MALL: variants seen among roughly 807,000 people sequenced by gnomAD.
MALL encodes the protein MAL-like protein.
In MALL, 2 loss-of-function variants were observed where a neutral mutation model predicts 10.3. That is an observed-to-expected ratio of 0.19 (90% CI 0.08 to 0.61). The LOEUF is 0.61. Among genes scored for constraint, MALL ranks in the 20% least tolerant of loss-of-function variants. The probability of loss-of-function intolerance (pLI) is 0.88; values close to 1 mark genes in which losing one functional copy is unlikely to be tolerated. For synonymous variants in MALL, 27 were observed against 51.8 expected (o/e 0.52, Z 2.05); for missense variants, 39 against 115.2 (o/e 0.34, Z 3.03).
intron 1 of MALL, among the ~76,000 whole-genome samples, chr2:110,107,909 C>A (rs188563486): frequency 1.3e-5 from 2 of 152,126 alleles, no homozygotes; most frequent in South Asian, 2.1e-4. Context: ...CAGGTAAATT[C>A]GCTGGGTGGC....
chr2:110,097,437 C>T (rs1273896981), intron 1 of MALL: 6 of 455,868 alleles, frequency 1.3e-5, no homozygotes, highest in South Asian at 3.1e-5. Flanking sequence ...TGGAGTCTCA[C>T]GGAGAATTCT....
chr2:110,102,829 C>T (rs1678602916), intron 1 of MALL, among the ~76,000 whole-genome samples: 1 of 152,132 alleles, frequency 6.6e-6, no homozygotes, highest in Admixed American at 6.6e-5. Flanking sequence ...CCATCGGCAC[C>T]CCTTGTCATC....
chr2:110,106,877 T>G (rs1284199444), intron 1 of MALL, among the ~76,000 whole-genome samples: 1 of 152,130 alleles, frequency 6.6e-6, no homozygotes, highest in Non-Finnish European at 1.5e-5. Flanking sequence ...GAACGCTACT[T>G]AGCAGTAAGA....
chr2:110,104,959 A>G (rs1248122774), intron 1 of MALL, among the ~76,000 whole-genome samples: 4 of 152,234 alleles, frequency 2.6e-5, no homozygotes, highest in Non-Finnish European at 4.4e-5. Context: ...AAGAGGTCCA[A>G]TGACCGCCAA....
At chr2:110,111,089 A>G (rs1348642735) in intron 1 of MALL, among the ~76,000 whole-genome samples, 2 of 152,202 alleles carry the variant, frequency 1.3e-5, no homozygotes, top group Non-Finnish European at 2.9e-5. Context: ...AAAGCCATCT[A>G]TGACAAACCC....
At chr2:110,117,614 TGTGTGTGTGTGAGAGAGAGAGA>T (rs1201757439), upstream of MALL, among the ~76,000 whole-genome samples, 7 of 134,058 alleles carry the variant, frequency 5.2e-5, no homozygotes, top group Admixed American at 7.6e-5. Context: ...TGTGTGTGTG[TGTGTGTGTGTGAGAGAGAGAGA>T]GAGAGAGAGA....
intron 1 of MALL, among the ~76,000 whole-genome samples, chr2:110,101,510 C>T (rs1347302634): frequency 6.6e-6 from 1 of 152,170 alleles, no homozygotes; most frequent in Non-Finnish European, 1.5e-5. Context: ...CTGGTGGGAA[C>T]TCGCGTCCGC....
At chr2:110,101,310 ACT>A (rs1247625323) in intron 1 of MALL, among the ~76,000 whole-genome samples, 2 of 152,002 alleles carry the variant, frequency 1.3e-5, no homozygotes, top group African/African-American at 4.8e-5. Context: ...AAAGTTCCAC[ACT>A]CTGCAGTTCA....
intron 1 of MALL, among the ~76,000 whole-genome samples, chr2:110,104,111 C>A (rs1678635976): frequency 6.6e-6 from 1 of 152,156 alleles, no homozygotes; most frequent in Admixed American, 6.5e-5. Context: ...ACCACTGTCT[C>A]CCAGCACCCC....
At chr2:110,117,846 A>G (rs1188936051), upstream of MALL, among the ~76,000 whole-genome samples, 1 of 151,906 alleles carries the variant, frequency 6.6e-6, no homozygotes, top group African/African-American at 2.4e-5. Context: ...CAAAAAACAG[A>G]GATTTTCTAC....
chr2:110,101,597 G>A (rs1260420790), intron 1 of MALL, among the ~76,000 whole-genome samples: 1 of 152,072 alleles, frequency 6.6e-6, no homozygotes, highest in Non-Finnish European at 1.5e-5. Flanking sequence ...AGTGCGCCCG[G>A]CCTCCCTGGG....
At chr2:110,106,237 C>A (rs1414158028) in intron 1 of MALL, among the ~76,000 whole-genome samples, 1 of 152,152 alleles carries the variant, frequency 6.6e-6, no homozygotes, top group African/African-American at 2.4e-5. Context: ...TTCACAGTCA[C>A]CCTGGGTGAG....
rs34987452 is a variant in MALL at position 110,098,992 on chromosome 2, C to CAA, written c.106-7224_106-7223dup. Among the ~76,000 whole-genome samples the CAA allele has an allele frequency of 6.6e-3, 971 of 148,216 alleles. 7 individuals are homozygous for CAA. Among genetic ancestry groups the CAA allele is most frequent in the East Asian group, 0.015 (78 of 5,076 alleles). Reference sequence around the variant, plus strand: ...TGGGTGACAGAGAAAGACCCTGTCTCAAAAAAAAAAATGAAAAACAAGACA... The same window carrying CAA: ...TGGGTGACAGAGAAAGACCCTGTCTCAAAAAAAAAAAAATGAAAAACAAGACA... On this transcript the variant is annotated intron_variant, in intron 1 of 3. Transcript: ENST00000272462.
At chr2:110,100,615 G>A (rs1044552512) in intron 1 of MALL, among the ~76,000 whole-genome samples, 9 of 152,164 alleles carry the variant, frequency 5.9e-5, no homozygotes, top group Non-Finnish European at 8.8e-5. Context: ...ACCAGGTTGC[G>A]ATGGAAATCT....
intron 1 of MALL, among the ~76,000 whole-genome samples, chr2:110,105,106 A>G (rs567148319): frequency 2.6e-4 from 40 of 152,230 alleles, no homozygotes; most frequent in African/African-American, 9.6e-4. Flanking sequence ...TCCATTGTTG[A>G]TGAAACTGCG....
chr2:110,109,785 C>T (rs567427628), intron 1 of MALL, among the ~76,000 whole-genome samples: 2 of 152,268 alleles, frequency 1.3e-5, no homozygotes, highest in Admixed American at 6.5e-5. Flanking sequence ...TACAACAGCA[C>T]ATGGAACTTT....
intron 1 of MALL, among the ~76,000 whole-genome samples, chr2:110,095,504 C>G (rs1678421572): frequency 2.0e-5 from 3 of 151,952 alleles, no homozygotes; most frequent in Admixed American, 2.0e-4. Context: ...GTTTTTAAAA[C>G]CTATTCTTCT....
At chr2:110,113,435 C>CAAAAA (rs58360665) in intron 1 of MALL, among the ~76,000 whole-genome samples, 3 of 31,808 alleles carry the variant, frequency 9.4e-5, no homozygotes, top group South Asian at 1.6e-3. Flanking sequence ...GACTCTGTCT[C>CAAAAA]AAAAAAAAAA....
intron 1 of MALL, among the ~76,000 whole-genome samples, chr2:110,112,031 T>G (rs895865655): frequency 3.9e-5 from 6 of 152,162 alleles, no homozygotes; most frequent in African/African-American, 1.4e-4. Context: ...GCTACCCACA[T>G]GTAGGGGATT....
Sources: allele counts gnomAD v4.1 joint callset (sites outside exome capture counted in the v4.1 genomes callset), GRCh38; gene constraint gnomAD v4.1.1; transcripts MANE v1.5; gene names NCBI Gene and HGNC (gene_info 2026-07-23, HGNC 2026-07-21).